Variants in DPP6 observed in about 807,000 individuals in gnomAD.
DPP6 encodes the protein dipeptidyl peptidase like 6, also known as A-type potassium channel modulatory protein DPP6.
Under a neutral mutation model 122.6 loss-of-function variants are expected in DPP6, and 69 were observed. That is an observed-to-expected ratio of 0.56 (90% CI 0.46 to 0.69). The LOEUF (loss-of-function observed/expected upper bound fraction) is 0.69. DPP6 is among the 30% of genes least tolerant of loss of function. DPP6 has a pLI of 0.00. For missense variants in DPP6, 928 were observed against 1,116.9 expected (o/e 0.83, Z 2.41); for synonymous variants, 418 against 433.1 (o/e 0.97, Z 0.43).
chr7:154,859,747 G>T (rs1005975891), intron 17 of DPP6, among the ~76,000 whole-genome samples: 1 of 152,154 alleles, frequency 6.6e-6, no homozygotes, highest in African/African-American at 2.4e-5. Flanking sequence ...AACAACTTAG[G>T]TACTGGGATA....
At position 153,887,728 on chromosome 7, in the gene DPP6, CGTGATGGTGA is replaced by C. The variant is rs1563207365; in HGVS notation, c.49_51+7del. 1.9e-6 allele frequency: 3 copies of C among 1,613,642 alleles called. No homozygotes were observed. The highest frequency in any genetic ancestry group is 2.5e-6 in the Non-Finnish European group (3 of 1,179,812). ...TCAAGACCGCTAAGATGCAGGGGAACGTGATGGTGAGTGCCACGGACAGGGCGCGCGCTGG... is the reference window on the plus strand; with the variant it reads ...TCAAGACCGCTAAGATGCAGGGGAACGTGCCACGGACAGGGCGCGCGCTGG... On this transcript the variant is annotated splice_donor_variant and splice_donor_region_variant and coding_sequence_variant and intron_variant, in exon 1 of 26. Coordinates refer to the DPP6 transcript ENST00000404039. LOFTEE classifies it high-confidence loss of function.
intron 1 of DPP6, among the ~76,000 whole-genome samples, chr7:154,437,709 G>A (rs1055420628): frequency 1.3e-5 from 2 of 152,206 alleles, no homozygotes; most frequent in African/African-American, 4.8e-5. Flanking sequence ...GCTGAGGTGG[G>A]CGGATCCCTT....
chr7:154,040,281 A>G (rs1799693411), intron 1 of DPP6, among the ~76,000 whole-genome samples: 1 of 144,318 alleles, frequency 6.9e-6, no homozygotes, highest in South Asian at 2.1e-4. Context: ...GGAGAATAAA[A>G]GAGAAATCCA....
chr7:154,763,350 A>G (rs544822669), intron 8 of DPP6, among the ~76,000 whole-genome samples: 2 of 115,786 alleles, frequency 1.7e-5, no homozygotes, highest in African/African-American at 6.5e-5. Context: ...GAAGGAAGGA[A>G]GGAAGGAGAG....
At chr7:154,741,670 G>A (rs1417325279) in intron 8 of DPP6, among the ~76,000 whole-genome samples, 1 of 152,222 alleles carries the variant, frequency 6.6e-6, no homozygotes, top group East Asian at 1.9e-4. Flanking sequence ...GTGTCACTTT[G>A]TGGAGGTCTT....
At chr7:153,907,006 T>A (rs1474931682) in intron 1 of DPP6, among the ~76,000 whole-genome samples, 1 of 152,238 alleles carries the variant, frequency 6.6e-6, no homozygotes, top group African/African-American at 2.4e-5. Context: ...TATTTTCCTT[T>A]GCATAGATAC....
At chr7:154,259,569 A>T (rs13245274) in intron 1 of DPP6, among the ~76,000 whole-genome samples, 42,701 of 151,988 alleles carry the variant, frequency 0.28, 6,771 homozygotes, top group Non-Finnish European at 0.36. Context: ...ACAGCTGCTC[A>T]GGGGTGAATG....
Position 154,875,233 on chromosome 7 carries a change from G to A in DPP6, c.1884-673G>A, listed in dbSNP as rs1435001849. 2.0e-5 allele frequency among the ~76,000 whole-genome samples: 3 copies of A among 152,184 alleles called. No individual in the cohort carries two copies. The highest frequency in any genetic ancestry group is 1.5e-5 in the Non-Finnish European group (1 of 68,026). On this transcript the variant is annotated intron_variant, in intron 19 of 25. Transcript: ENST00000377770. The surrounding 1 kb of genome is among the most constrained non-coding windows in gnomAD (Gnocchi z 4.5). ...AACAGCCCTGTTTGTGGCACTGGTC[G>A]AATCCCATGGTCCAAATGCCCCACC...
intron 5 of DPP6, among the ~76,000 whole-genome samples, chr7:154,621,656 C>T (rs138389059): frequency 1.8e-3 from 269 of 152,290 alleles, no homozygotes; most frequent in African/African-American, 4.8e-3. Context: ...CATGAGCTAC[C>T]GCACCAGGCC....
chr7:153,947,592 A>C (rs1462083131), intron 1 of DPP6, among the ~76,000 whole-genome samples: 5 of 151,834 alleles, frequency 3.3e-5, no homozygotes. Flanking sequence ...AGAGACAGTG[A>C]AGACCTGAAG....
intron 8 of DPP6, among the ~76,000 whole-genome samples, chr7:154,735,019 T>C (rs1842509946): frequency 6.6e-6 from 1 of 152,226 alleles, no homozygotes; most frequent in East Asian, 1.9e-4. Context: ...AACTATTTCA[T>C]TTGCAATGTC....
chr7:154,488,608 C>G (rs1824002583), intron 3 of DPP6, among the ~76,000 whole-genome samples: 1 of 151,830 alleles, frequency 6.6e-6, no homozygotes, highest in African/African-American at 2.4e-5. Context: ...ATACTTGCCA[C>G]TTATTGATCA....
At chr7:154,225,512 A>G (rs922954075) in intron 1 of DPP6, among the ~76,000 whole-genome samples, 7 of 152,062 alleles carry the variant, frequency 4.6e-5, no homozygotes, top group African/African-American at 7.2e-5. Context: ...TTTCAATCCC[A>G]CTTCCTTTAC....
chr7:154,408,768 G>GT (rs201284135), intron 1 of DPP6, among the ~76,000 whole-genome samples: 1,690 of 141,710 alleles, frequency 0.012, 52 homozygotes, highest in Admixed American at 0.072. Flanking sequence ...GTCTTCCCCT[G>GT]TTTTTTTTTT....
intron 3 of DPP6, among the ~76,000 whole-genome samples, chr7:154,508,398 A>G (rs1330302682): frequency 1.3e-5 from 2 of 152,150 alleles, no homozygotes; most frequent in Non-Finnish European, 2.9e-5. Flanking sequence ...TGTGGTATCT[A>G]TAAGGGCTCA....
intron 18 of DPP6, among the ~76,000 whole-genome samples, chr7:154,870,729 G>A (rs151120057): frequency 0.077 from 11,697 of 151,920 alleles, 1,467 homozygotes; most frequent in African/African-American, 0.26. Flanking sequence ...TTGGGAGGCC[G>A]AGGCATGCGG....
the DPP6 span, among the ~76,000 whole-genome samples, chr7:153,798,177 T>C: frequency 2.0e-5 from 3 of 152,204 alleles, no homozygotes; most frequent in Non-Finnish European, 4.4e-5. Flanking sequence ...AATCCCATCA[T>C]GGGAGCCTCA....
intron 3 of DPP6, among the ~76,000 whole-genome samples, chr7:154,523,006 A>T (rs1308797144): frequency 6.6e-6 from 1 of 152,202 alleles, no homozygotes; most frequent in East Asian, 1.9e-4. Flanking sequence ...TCATCCAGGG[A>T]GAAGCATCTA....
intron 1 of DPP6, among the ~76,000 whole-genome samples, chr7:154,046,984 T>A (rs1367007587): frequency 6.6e-6 from 1 of 151,306 alleles, no homozygotes; most frequent in Non-Finnish European, 1.5e-5. Flanking sequence ...ATTTATTGAG[T>A]TGACACTGGC....
Sources: gnomAD v4.1 joint callset for allele counts (sites outside exome capture counted in the v4.1 genomes callset) on GRCh38, gnomAD v4.1.1 for gene constraint, Gnocchi (gnomAD v3.1) non-coding constraint, MANE v1.5 for transcripts, NCBI Gene and HGNC (gene_info 2026-07-23, HGNC 2026-07-21) for gene names.